The following GRM7 variants were observed in gnomAD, a reference collection of about 807,000 sequenced individuals.
The protein encoded by GRM7 is metabotropic glutamate receptor 7.
Under a neutral mutation model 84.5 loss-of-function variants are expected in GRM7, and 35 were observed. That is an observed-to-expected ratio of 0.41 (90% CI 0.32 to 0.55). GRM7 has a LOEUF of 0.55. Ranked by LOEUF, GRM7 falls within the 20% of genes least tolerant of loss-of-function variation. GRM7 has a pLI of 0.19. For synonymous variants in GRM7, 487 were observed against 455.1 expected, an observed-to-expected ratio of 1.07 and a Z score of -0.89; for missense variants, 1,003 against 1,194.6, an observed-to-expected ratio of 0.84 and a Z score of 2.36.
chr3:7,013,007 C>A (rs575891911), intron 1 of GRM7, among the ~76,000 whole-genome samples: 1 of 151,948 alleles, frequency 6.6e-6, no homozygotes, highest in East Asian at 1.9e-4. Context: ...TCCAATACGC[C>A]GGGATTACAG....
intron 8 of GRM7, among the ~76,000 whole-genome samples, chr3:7,678,625 T>C (rs996585269): frequency 2.6e-5 from 4 of 152,252 alleles, no homozygotes; most frequent in African/African-American, 9.6e-5. Flanking sequence ...TAATTCAACA[T>C]TGTTTTGTCT....
chr3:7,696,436 G>T (rs774936980), intron 9 of GRM7, among the ~76,000 whole-genome samples: 4 of 152,148 alleles, frequency 2.6e-5, no homozygotes, highest in Non-Finnish European at 4.4e-5. Flanking sequence ...CTACAGTAAG[G>T]CCCTGTATCT....
In GRM7 at chr3:7,579,054, G is replaced by A; in HGVS notation, c.2148G>A (p.Gly716=). 1 of 1,613,954 alleles carries A rather than the reference G, an allele frequency of 6.2e-7. No individual in the cohort carries two copies. Among genetic ancestry groups the A allele is most frequent in the Admixed American group, 1.7e-5 (1 of 59,994 alleles). ...TSSLISVQLL[G]VFIWFGVDPP... is the part of the protein sequence containing the mutation. ...GTTTAATATCAGTTCAGCTTCTAGGGGTGTTCATTTGGTTTGGTGTTGATC... is the reference window on the plus strand; with the variant it reads ...GTTTAATATCAGTTCAGCTTCTAGGAGTGTTCATTTGGTTTGGTGTTGATC... Residue 716 remains glycine, a synonymous_variant, in exon 8 of 10, where the codon GGG becomes GGA. Coordinates refer to ENST00000357716, the MANE Select transcript of GRM7 (RefSeq NM_000844.4).
intron 4 of GRM7, among the ~76,000 whole-genome samples, chr3:7,408,815 A>G (rs1695792289): frequency 6.6e-6 from 1 of 151,974 alleles, no homozygotes; most frequent in South Asian, 2.1e-4. Flanking sequence ...CAGACAGAAA[A>G]CCCAAATGCA....
intron 1 of GRM7, among the ~76,000 whole-genome samples, chr3:6,889,595 G>C (rs542198560): frequency 6.6e-6 from 1 of 152,138 alleles, no homozygotes; most frequent in African/African-American, 2.4e-5. Context: ...CTTAATCATC[G>C]TGGATAACCT....
chr3:7,661,794 C>CAAAAAAAAAAAAAA lies in GRM7; in HGVS notation c.2452-18242_2452-18229dup, dbSNP rs71043686. Among the ~76,000 whole-genome samples the CAAAAAAAAAAAAAA allele has an allele frequency of 2.6e-3, 74 of 28,196 alleles. 15 individuals carry two copies. The East Asian group carries it at 0.031, about 12-fold the overall frequency. 18.5% of individuals were successfully genotyped at this position (28,196 alleles called of 152,430 possible). A position where few individuals can be genotyped will look rare whatever the true frequency, so the allele number is the denominator to read the frequency against. ...GGGCCACAGAGCGAGGTCTCCGTCT[C>CAAAAAAAAAAAAAA]AAAAAAAAAAAAAAAAAAAAAAAAA... On this transcript the variant is annotated intron_variant, in intron 8 of 9. Coordinates refer to ENST00000357716, the MANE Select transcript of GRM7 (RefSeq NM_000844.4).
At chr3:7,539,737 C>T (rs1222394600) in intron 7 of GRM7, among the ~76,000 whole-genome samples, 1 of 150,284 alleles carries the variant, frequency 6.7e-6, no homozygotes, top group South Asian at 2.1e-4. Flanking sequence ...AAGCAGACCA[C>T]TGAAATGCAG....
intron 7 of GRM7, among the ~76,000 whole-genome samples, chr3:7,473,313 T>TA (rs1559347386): frequency 6.6e-6 from 1 of 151,936 alleles, no homozygotes; most frequent in South Asian, 2.1e-4. Context: ...ACAAAAATTT[T>TA]AAAAAAATAA....
At chr3:7,012,921 G>A (rs188921127) in intron 1 of GRM7, among the ~76,000 whole-genome samples, 5 of 152,118 alleles carry the variant, frequency 3.3e-5, no homozygotes, top group Admixed American at 1.3e-4. Flanking sequence ...GTTATTTTTT[G>A]TAGAGACAGG....
chr3:7,591,875 G>A (rs958496979), intron 8 of GRM7, among the ~76,000 whole-genome samples: 5 of 152,008 alleles, frequency 3.3e-5, no homozygotes, highest in African/African-American at 1.2e-4. Flanking sequence ...AGCCAGAAAG[G>A]GAAAAAGAAA....
intron 7 of GRM7, among the ~76,000 whole-genome samples, chr3:7,518,780 TA>T (rs1372207874): frequency 2.6e-5 from 4 of 152,254 alleles, no homozygotes; most frequent in African/African-American, 9.6e-5. Context: ...AAATTTCATG[TA>T]ATACCTCTAA....
intron 4 of GRM7, among the ~76,000 whole-genome samples, chr3:7,360,151 G>C (rs62237109): frequency 1.0e-5 from 1 of 97,812 alleles, no homozygotes; most frequent in East Asian, 4.0e-4. Flanking sequence ...GTGTGTGTGT[G>C]TGTGTGTGTG....
chr3:6,949,748 T>C (rs1692644430), intron 1 of GRM7, among the ~76,000 whole-genome samples: 1 of 152,156 alleles, frequency 6.6e-6, no homozygotes, highest in Non-Finnish European at 1.5e-5. Flanking sequence ...GGAGGCTTTG[T>C]TTGTTTCGTT....
intron 9 of GRM7, chr3:7,693,610 C>T: frequency 6.8e-7 from 1 of 1,463,880 alleles, no homozygotes; most frequent in African/African-American, 1.4e-5. Context: ...CAGACTGAGA[C>T]TTGAGCTGTT....
chr3:6,923,331 A>G (rs1697190319), intron 1 of GRM7, among the ~76,000 whole-genome samples: 1 of 152,120 alleles, frequency 6.6e-6, no homozygotes, highest in Non-Finnish European at 1.5e-5. Flanking sequence ...AACATGAAAA[A>G]AAAAAGCTAA....
At chr3:7,503,770 A>C (rs552876272) in intron 7 of GRM7, among the ~76,000 whole-genome samples, 5 of 152,206 alleles carry the variant, frequency 3.3e-5, no homozygotes, top group African/African-American at 1.2e-4. Context: ...GACTTAACCA[A>C]TAACTCCAAT....
chr3:7,461,207 G>A (rs1159398855), intron 6 of GRM7, among the ~76,000 whole-genome samples: 1 of 152,098 alleles, frequency 6.6e-6, no homozygotes, highest in African/African-American at 2.4e-5. Flanking sequence ...TTTAGTGTTA[G>A]ATGGAAACTA....
chr3:7,010,171 A>T (rs2124892621), intron 1 of GRM7, among the ~76,000 whole-genome samples: 1 of 152,248 alleles, frequency 6.6e-6, no homozygotes, highest in Middle Eastern at 3.4e-3. Context: ...GTAGCTCGGG[A>T]CGGGCATGGT....
At chr3:7,190,148 C>T (rs1465137912) in intron 2 of GRM7, among the ~76,000 whole-genome samples, 1 of 152,130 alleles carries the variant, frequency 6.6e-6, no homozygotes, top group Non-Finnish European at 1.5e-5. Flanking sequence ...TGATTATGCG[C>T]TAGTCAAGTA....
Sources: gnomAD v4.1 joint callset for allele counts (sites outside exome capture counted in the v4.1 genomes callset) on GRCh38, gnomAD v4.1.1 for gene constraint, MANE v1.5 for transcripts, NCBI Gene and HGNC (gene_info 2026-07-23, HGNC 2026-07-21) for gene names.